Variants in MOB3B observed in about 807,000 individuals in gnomAD.
MOB3B encodes the protein MOB kinase activator 3B.
MOB3B carries 7 observed loss-of-function variants against 18.7 expected under a neutral mutation model. The observed-to-expected ratio is 0.37, with a 90% CI of 0.21 to 0.70. The LOEUF is 0.70. MOB3B is among the 30% of genes least tolerant of loss of function. The probability of loss-of-function intolerance (pLI) is 0.52; values close to 1 mark genes in which losing one functional copy is unlikely to be tolerated. For missense variants in MOB3B, 253 were observed against 281.3 expected (o/e 0.90, Z 0.72); for synonymous variants, 111 against 99.9 (o/e 1.11, Z -0.66).
chr9:27,529,457 G>T, intron 1 of MOB3B, 98 bp downstream of exon 1: 3 of 791,008 alleles, frequency 3.8e-6, no homozygotes, highest in South Asian at 5.7e-5. Flanking sequence ...CCCGCGCCCA[G>T]GTGCGCCCCA....
At chr9:27,390,352 G>C (rs956199146) in intron 2 of MOB3B, among the ~76,000 whole-genome samples, 1 of 152,156 alleles carries the variant, frequency 6.6e-6, no homozygotes, top group African/African-American at 2.4e-5. Context: ...ACAGGCACCC[G>C]CCACAACTGT....
At chr9:27,492,036 G>A (rs887023153) in intron 1 of MOB3B, among the ~76,000 whole-genome samples, 6 of 152,226 alleles carry the variant, frequency 3.9e-5, no homozygotes, top group African/African-American at 1.4e-4. Flanking sequence ...AATCCTTGTA[G>A]TGAAGAAGAA....
At chr9:27,467,760 CCCCAGCTTTCTGCCTTTA>C (rs1459684851) in intron 1 of MOB3B, among the ~76,000 whole-genome samples, 5 of 152,244 alleles carry the variant, frequency 3.3e-5, no homozygotes, top group Non-Finnish European at 7.3e-5. Flanking sequence ...CCTGCTGCTT[CCCCAGCTTTCTGCCTTTA>C]TGAATGGAAT....
chr9:27,390,580 G>C (rs1821714111), intron 2 of MOB3B, among the ~76,000 whole-genome samples: 1 of 152,196 alleles, frequency 6.6e-6, no homozygotes, highest in Admixed American at 6.5e-5. Flanking sequence ...CTGGCAGACA[G>C]GTAATCTGAA....
At chr9:27,477,178 C>T (rs911830249) in intron 1 of MOB3B, among the ~76,000 whole-genome samples, 1 of 152,230 alleles carries the variant, frequency 6.6e-6, no homozygotes, top group Non-Finnish European at 1.5e-5. Context: ...AGGAGCCCCA[C>T]ATTTTCATTG....
At chr9:27,399,783 CA>C (rs1223241791) in intron 2 of MOB3B, among the ~76,000 whole-genome samples, 2 of 152,170 alleles carry the variant, frequency 1.3e-5, no homozygotes, top group Admixed American at 6.5e-5. Context: ...AATGTATTAG[CA>C]TCTCAAATTT....
intron 2 of MOB3B, among the ~76,000 whole-genome samples, chr9:27,410,401 A>C (rs1034614977): frequency 2.0e-5 from 3 of 152,248 alleles, no homozygotes; most frequent in Admixed American, 6.5e-5. Flanking sequence ...GAAACTGACA[A>C]ATTTGAGTCA....
chr9:27,327,440 T>C lies in MOB3B; in HGVS notation c.*3147A>G, dbSNP rs550917320. The C allele has an allele frequency of 2.0e-5, 3 of 151,844 alleles. No individual in the cohort carries two copies. The highest frequency in any genetic ancestry group is 2.9e-5 in the Non-Finnish European group (2 of 68,000). The allele number at this position is 151,844 out of a possible 1,614,324, so 9.4% of individuals were successfully genotyped here. On this transcript the variant is annotated 3_prime_UTR_variant, in exon 4 of 4. Coordinates refer to ENST00000262244, the MANE Select transcript of MOB3B (RefSeq NM_024761.5). The stretch of plus-strand genomic sequence containing the variant: ...CATGTAGCAGTCTTGGGAAAAAAAA[T>C]GTAACCTGTATCTCGTAATGAGGAA...
intron 3 of MOB3B, among the ~76,000 whole-genome samples, chr9:27,341,133 C>G (rs1820934506): frequency 6.6e-6 from 1 of 152,210 alleles, no homozygotes; most frequent in Non-Finnish European, 1.5e-5. Flanking sequence ...GGAGGGAAGG[C>G]ACTGGCCGGT....
chr9:27,437,017 G>C (rs1469082555), intron 2 of MOB3B, among the ~76,000 whole-genome samples: 2 of 151,038 alleles, frequency 1.3e-5, no homozygotes, highest in Non-Finnish European at 3.0e-5. Context: ...CTGGGGGTGG[G>C]GGGAGTGTGT....
intron 3 of MOB3B, among the ~76,000 whole-genome samples, chr9:27,344,208 CAT>C (rs1820998537): frequency 1.3e-5 from 2 of 152,086 alleles, no homozygotes; most frequent in Admixed American, 6.5e-5. Flanking sequence ...CAAAAATCCT[CAT>C]AGGAGTTTTG....
chr9:27,505,919 A>C (rs1820051900), intron 1 of MOB3B, among the ~76,000 whole-genome samples: 1 of 152,206 alleles, frequency 6.6e-6, no homozygotes, highest in Non-Finnish European at 1.5e-5. Context: ...TAAGGGGAAA[A>C]AAATGACCAG....
At chr9:27,349,730 G>A (rs147825044) in intron 3 of MOB3B, among the ~76,000 whole-genome samples, 3,725 of 152,338 alleles carry the variant, frequency 0.024, 74 homozygotes, top group Non-Finnish European at 0.039. Context: ...TGGAGGTTCT[G>A]ATGGGAAATC....
chr9:27,361,390 G>A (rs7849495), intron 2 of MOB3B, among the ~76,000 whole-genome samples: 27,122 of 152,046 alleles, frequency 0.18, 4,138 homozygotes, highest in African/African-American at 0.41. Flanking sequence ...GTGGCACAGA[G>A]ACATAAATAA....
intron 3 of MOB3B, among the ~76,000 whole-genome samples, chr9:27,335,764 C>A (rs1216238628): frequency 6.6e-6 from 1 of 152,166 alleles, no homozygotes; most frequent in East Asian, 1.9e-4. Flanking sequence ...CATTCTTCTA[C>A]CCTCCCACCC....
intron 1 of MOB3B, among the ~76,000 whole-genome samples, chr9:27,491,415 G>A (rs1337848769): frequency 3.3e-5 from 5 of 152,180 alleles, no homozygotes; most frequent in Non-Finnish European, 5.9e-5. Flanking sequence ...TGAGTGTGCA[G>A]TGTACTGTTA....
intron 1 of MOB3B, among the ~76,000 whole-genome samples, chr9:27,476,513 C>T (rs1411734929): frequency 3.3e-5 from 5 of 152,192 alleles, no homozygotes; most frequent in Non-Finnish European, 4.4e-5. Context: ...TAGAGGCCCA[C>T]CCGACTCCAG....
At chr9:27,409,667 A>G (rs1331719571) in intron 2 of MOB3B, among the ~76,000 whole-genome samples, 1 of 152,370 alleles carries the variant, frequency 6.6e-6, no homozygotes, top group Non-Finnish European at 1.5e-5. Context: ...TACAATAGCC[A>G]AAAGGCAGAA....
chr9:27,383,908 T>C (rs1821614592), intron 2 of MOB3B, among the ~76,000 whole-genome samples: 2 of 152,222 alleles, frequency 1.3e-5, no homozygotes, highest in Non-Finnish European at 2.9e-5. Flanking sequence ...TATAGCAAGA[T>C]GTTCCTTAAA....
Sources: gnomAD v4.1 joint callset for allele counts (sites outside exome capture counted in the v4.1 genomes callset) on GRCh38, gnomAD v4.1.1 for gene constraint, MANE v1.5 for transcripts, NCBI Gene and HGNC (gene_info 2026-07-23, HGNC 2026-07-21) for gene names.